EPHA3: variants seen among roughly 807,000 people sequenced by gnomAD.
The protein encoded by EPHA3 is EPH receptor A3, also known as ephrin type-A receptor 3.
In EPHA3, 42 loss-of-function variants were observed where a neutral mutation model predicts 107.1. The observed-to-expected ratio is 0.39, with a 90% CI of 0.31 to 0.51. The LOEUF is 0.51. EPHA3 is among the 20% of genes least tolerant of loss of function. The probability of loss-of-function intolerance (pLI) is 0.78; values close to 1 mark genes in which losing one functional copy is unlikely to be tolerated. For synonymous variants in EPHA3, 461 were observed against 424.8 expected (o/e 1.09, Z -1.05); for missense variants, 1,183 against 1,211.2 (o/e 0.98, Z 0.35).
chr3:89,376,169 A>G (rs76349069), intron 5 of EPHA3, among the ~76,000 whole-genome samples: 4,938 of 152,020 alleles, frequency 0.032, 246 homozygotes, highest in African/African-American at 0.11. Context: ...CATAATAAGG[A>G]GCACTATAAG....
intron 3 of EPHA3, among the ~76,000 whole-genome samples, chr3:89,310,233 A>G (rs1263361337): frequency 1.3e-5 from 2 of 152,102 alleles, no homozygotes; most frequent in Non-Finnish European, 2.9e-5. Flanking sequence ...AGTAAAAAGC[A>G]TAATAGTCCA....
chr3:89,302,096 G>A (rs1399556175), intron 3 of EPHA3, among the ~76,000 whole-genome samples: 1 of 152,062 alleles, frequency 6.6e-6, no homozygotes, highest in Non-Finnish European at 1.5e-5. Flanking sequence ...GTTTTAAAAT[G>A]TAAAACAAAT....
intron 2 of EPHA3, 135 bp from the exon 3 acceptor site, chr3:89,209,725 A>G (rs1427634575): frequency 3.3e-5 from 25 of 753,290 alleles, no homozygotes; most frequent in Non-Finnish European, 4.4e-5. Flanking sequence ...AACCTTGCAA[A>G]TAAAAACTAC....
chr3:89,134,938 C>A (rs140112008), intron 2 of EPHA3, among the ~76,000 whole-genome samples: 5 of 152,058 alleles, frequency 3.3e-5, no homozygotes, highest in African/African-American at 9.7e-5. Flanking sequence ...AAAAACAAAA[C>A]GAGAAATGCA....
intron 5 of EPHA3, among the ~76,000 whole-genome samples, chr3:89,365,665 A>G (rs901902052): frequency 6.6e-6 from 1 of 150,640 alleles, no homozygotes; most frequent in African/African-American, 2.4e-5. Context: ...TTAAGGGACT[A>G]TTCACACACA....
At chr3:89,407,927 T>C in intron 8 of EPHA3, 140 bp from the exon 9 acceptor site, 1 of 846,998 alleles carries the variant, frequency 1.2e-6, no homozygotes. Flanking sequence ...ATTTTGAAAA[T>C]ATGAAGTTAT....
intron 5 of EPHA3, among the ~76,000 whole-genome samples, chr3:89,384,988 G>C (rs1282929059): frequency 6.6e-6 from 1 of 152,038 alleles, no homozygotes; most frequent in Non-Finnish European, 1.5e-5. Context: ...GAATATTGTA[G>C]AACATCCCAG....
chr3:89,376,342 A>AAT (rs143484593), intron 5 of EPHA3, among the ~76,000 whole-genome samples: 82 of 151,006 alleles, frequency 5.4e-4, no homozygotes, highest in Non-Finnish European at 6.8e-4. Flanking sequence ...TGTGTATATA[A>AAT]ATATATATAT....
At chr3:89,405,650 CTT>C (rs1302933224) in intron 7 of EPHA3, among the ~76,000 whole-genome samples, 2 of 152,096 alleles carry the variant, frequency 1.3e-5, no homozygotes, top group African/African-American at 4.8e-5. Context: ...ATCTTCCAAA[CTT>C]AGATTTGTTC....
chr3:89,448,283 A>T (rs750968944), intron 13 of EPHA3, among the ~76,000 whole-genome samples: 3 of 152,152 alleles, frequency 2.0e-5, no homozygotes, highest in Non-Finnish European at 2.9e-5. Context: ...TATGATTTAT[A>T]TGCATTATAA....
intron 1 of EPHA3, among the ~76,000 whole-genome samples, chr3:89,109,124 C>G (rs1179686689): frequency 6.6e-6 from 1 of 152,112 alleles, no homozygotes; most frequent in Non-Finnish European, 1.5e-5. Flanking sequence ...TCCTTCCTTA[C>G]TGACTGCCTT....
At chr3:89,359,577 T>A (rs1386732592) in intron 5 of EPHA3, among the ~76,000 whole-genome samples, 1 of 150,122 alleles carries the variant, frequency 6.7e-6, no homozygotes, top group African/African-American at 2.4e-5. Context: ...TAGCACTGTA[T>A]GATGTTTTTT....
intron 15 of EPHA3, among the ~76,000 whole-genome samples, chr3:89,466,814 T>G (rs1384800514): frequency 3.7e-5 from 4 of 106,954 alleles, no homozygotes; most frequent in Non-Finnish European, 8.6e-5. Flanking sequence ...CTGGGAGCTG[T>G]AGACCGGAGC....
intron 3 of EPHA3, 87 bp from the exon 4 acceptor site, chr3:89,340,829 A>G: frequency 7.7e-7 from 1 of 1,295,498 alleles, no homozygotes. Context: ...TTTATAATAA[A>G]TTCATATTCG....
chr3:89,114,041 C>T (rs1277352109), intron 1 of EPHA3, among the ~76,000 whole-genome samples: 1 of 152,048 alleles, frequency 6.6e-6, no homozygotes, highest in East Asian at 1.9e-4. Context: ...GGGTGAAAAT[C>T]CACATAATCC....
intron 5 of EPHA3, among the ~76,000 whole-genome samples, chr3:89,366,965 A>G (rs142082293): frequency 9.3e-5 from 14 of 150,692 alleles, no homozygotes; most frequent in African/African-American, 3.4e-4. Flanking sequence ...ACTCTCTTCT[A>G]TTTCTATAAC....
At chr3:89,271,212 T>A (rs1258070023) in intron 3 of EPHA3, among the ~76,000 whole-genome samples, 4 of 151,968 alleles carry the variant, frequency 2.6e-5, no homozygotes, top group Non-Finnish European at 5.9e-5. Context: ...TAATTTTACC[T>A]ATAAAGTCAC....
At chr3:89,317,659 A>G (rs1356632239) in intron 3 of EPHA3, among the ~76,000 whole-genome samples, 2 of 151,708 alleles carry the variant, frequency 1.3e-5, no homozygotes, top group Non-Finnish European at 2.9e-5. Context: ...AACCTTCCTC[A>G]TTTCCTGCCC....
intron 15 of EPHA3, among the ~76,000 whole-genome samples, chr3:89,451,524 C>T (rs1440630542): frequency 1.3e-5 from 2 of 152,170 alleles, no homozygotes; most frequent in Admixed American, 6.5e-5. Context: ...TGAGTTAGTA[C>T]ATGTTTTATA....
Sources: allele counts gnomAD v4.1 joint callset (sites outside exome capture counted in the v4.1 genomes callset), GRCh38; gene constraint gnomAD v4.1.1; transcripts MANE v1.5; gene names NCBI Gene and HGNC (gene_info 2026-07-23, HGNC 2026-07-21).